ABCA13: variants seen among roughly 807,000 people sequenced by gnomAD.
The protein encoded by ABCA13 is ATP binding cassette subfamily A member 13.
ABCA13 carries 476 observed loss-of-function variants against 478.7 expected under a neutral mutation model. The observed-to-expected ratio is 0.99, with a 90% CI of 0.92 to 1.07. The LOEUF (loss-of-function observed/expected upper bound fraction) is 1.07. ABCA13 is among the 50% of genes least tolerant of loss of function. The probability of loss-of-function intolerance (pLI) is 0.00; values close to 1 mark genes in which losing one functional copy is unlikely to be tolerated. For missense variants in ABCA13, 6,060 were observed against 5,910.6 expected, an observed-to-expected ratio of 1.03 and a Z score of -0.83; for synonymous variants, 2,252 against 2,158.9, an observed-to-expected ratio of 1.04 and a Z score of -1.20.
intron 51 of ABCA13, among the ~76,000 whole-genome samples, chr7:48,513,830 G>C (rs1447799064): frequency 6.6e-6 from 1 of 152,146 alleles, no homozygotes; most frequent in Admixed American, 6.5e-5. Context: ...GTATTTTAAA[G>C]ATAACTAATG....
chr7:48,401,509 G>A (rs1371212699), intron 38 of ABCA13, among the ~76,000 whole-genome samples: 2 of 152,044 alleles, frequency 1.3e-5, no homozygotes, highest in Non-Finnish European at 2.9e-5. Flanking sequence ...TGTCCTAATT[G>A]GATATATACA....
chr7:48,453,750 G>A (rs1825325380), intron 42 of ABCA13, among the ~76,000 whole-genome samples: 1 of 152,142 alleles, frequency 6.6e-6, no homozygotes, highest in East Asian at 1.9e-4. Context: ...CTCACTCCTT[G>A]GTACCGACTC....
intron 42 of ABCA13, among the ~76,000 whole-genome samples, chr7:48,452,649 T>C (rs1357721130): frequency 1.3e-5 from 2 of 152,228 alleles, no homozygotes; most frequent in African/African-American, 4.8e-5. Flanking sequence ...TGGCTAAGAA[T>C]GGGTGGCTAG....
intron 43 of ABCA13, among the ~76,000 whole-genome samples, chr7:48,461,726 G>A (rs1041308874): frequency 6.6e-6 from 1 of 152,118 alleles, no homozygotes; most frequent in African/African-American, 2.4e-5. Flanking sequence ...TTAGTGGGTT[G>A]AAATTTAAGA....
intron 42 of ABCA13, among the ~76,000 whole-genome samples, chr7:48,449,045 G>T (rs935053086): frequency 6.6e-5 from 10 of 152,228 alleles, no homozygotes; most frequent in African/African-American, 1.9e-4. Context: ...ATTTCACCAT[G>T]TTGGCCAGGC....
chr7:48,515,655 G>A (rs965474835), intron 51 of ABCA13, among the ~76,000 whole-genome samples: 2 of 152,136 alleles, frequency 1.3e-5, no homozygotes, highest in Admixed American at 6.5e-5. Flanking sequence ...CTGCCTGTAA[G>A]ATGACAGTTA....
intron 55 of ABCA13, among the ~76,000 whole-genome samples, chr7:48,546,604 T>C (rs1179893994): frequency 6.6e-6 from 1 of 151,730 alleles, no homozygotes; most frequent in South Asian, 2.1e-4. Flanking sequence ...CAAACTAGCA[T>C]TTTTTGAGTT....
At chr7:48,488,548 C>T (rs1257067552) in intron 47 of ABCA13, among the ~76,000 whole-genome samples, 1 of 152,168 alleles carries the variant, frequency 6.6e-6, no homozygotes, top group Non-Finnish European at 1.5e-5. Context: ...ATGAGCTGTT[C>T]AGTCAATTGA....
At chr7:48,294,425 G>GTTTTTTTTTTTTGTT (rs1799041311) in intron 20 of ABCA13, among the ~76,000 whole-genome samples, 4 of 80,388 alleles carry the variant, frequency 5.0e-5, no homozygotes, top group African/African-American at 1.1e-4. Context: ...GTTTCTATGG[G>GTTTTTTTTTTTTGTT]TTTTTTTTTT....
At chr7:48,262,053 C>T (rs1334612541) in intron 15 of ABCA13, among the ~76,000 whole-genome samples, 2 of 151,894 alleles carry the variant, frequency 1.3e-5, no homozygotes, top group Non-Finnish European at 2.9e-5. Flanking sequence ...TACCTGCTAA[C>T]AACACACAGA....
rs1237897647 is a variant in ABCA13 at position 48,350,666 on chromosome 7, A to G, written c.10228A>G (p.Asn3410Asp). 10 of 1,613,582 alleles carry G rather than the reference A, an allele frequency of 6.2e-6. No homozygotes were observed. The highest frequency in any genetic ancestry group is 8.5e-6 in the Non-Finnish European group (10 of 1,179,734). ...TYGGLLDEMF[N>D]HAGAGRFRFL... ...AGGAGGGCTGCTGGATGAGATGTTTAACCATGCAGGCGCTGGACGCTTCCG... is the reference window on the plus strand; with the variant it reads ...AGGAGGGCTGCTGGATGAGATGTTTGACCATGCAGGCGCTGGACGCTTCCG... The change falls in exon 30 of 62, where the codon AAC becomes GAC. Residue 3410 changes from asparagine (N) to aspartate (D), a missense_variant. Physicochemically the swap from Asn to Asp is conservative, Grantham distance 23. Around this residue, in one of 3 missense-constraint regions of ABCA13, gnomAD observed 4,423 missense variants for 4,309.1 expected, o/e 1.03. Coordinates refer to ENST00000435803, the MANE Select transcript of ABCA13 (RefSeq NM_152701.5).
At chr7:48,471,496 A>C in intron 44 of ABCA13, 34 bp from the exon 45 acceptor site, 1 of 1,527,734 alleles carries the variant, frequency 6.5e-7, no homozygotes, top group Non-Finnish European at 8.9e-7. Flanking sequence ...TGTAAATCTA[A>C]AAGATCATTC....
chr7:48,249,295 C>T lies in ABCA13; in HGVS notation c.1949C>T (p.Thr650Ile). 1 of 1,613,372 alleles carries T rather than the reference C, an allele frequency of 6.2e-7. No individual in the cohort carries two copies. The change falls in exon 15 of 62, where the codon ACT becomes ATT. Residue 650 changes from threonine (T) to isoleucine (I), a missense_variant. Thr to Ile is a moderately conservative substitution (Grantham distance 89, BLOSUM62 -1). Coordinates refer to ENST00000435803, the MANE Select transcript of ABCA13 (RefSeq NM_152701.5). ...GCCTTCAAAAAGTTTATCAGGAAGA[C>T]TTGCGAAGTGGCCCAATATGTAAAT... ...WKAFKKFIRK[T>I]CEVAQYVNMQ... is the part of the protein sequence containing the mutation.
Position 48,219,365 on chromosome 7 carries a change from T to C in ABCA13, c.299T>C (p.Phe100Ser), listed in dbSNP as rs1243029403. The C allele has an allele frequency of 6.2e-7, 1 of 1,610,728 alleles. No individual in the cohort carries two copies. Among genetic ancestry groups the C allele is most frequent in the Admixed American group, 1.7e-5 (1 of 59,150 alleles). Reference sequence around the variant, plus strand: ...TATTCTGTTTAAAGTTTGTCTAGGTTCCAAACTGCAGCTGACCCCAAGAAA... The same window carrying C: ...TATTCTGTTTAAAGTTTGTCTAGGTCCCAAACTGCAGCTGACCCCAAGAAA... ...SMEHHFRLSR[F>S]QTAADPKKVN... The change falls in exon 4 of 62, where the codon TTC becomes TCC. Residue 100 changes from phenylalanine to serine, a missense_variant. Around this residue, in one of 3 missense-constraint regions of ABCA13, gnomAD observed 4,423 missense variants for 4,309.1 expected, o/e 1.03. Transcript: ENST00000435803.
At chr7:48,469,070 G>A (rs1213397802) in intron 44 of ABCA13, among the ~76,000 whole-genome samples, 2 of 152,156 alleles carry the variant, frequency 1.3e-5, no homozygotes, top group African/African-American at 4.8e-5. Context: ...AACACAAAAT[G>A]GTCACTTTCC....
intron 55 of ABCA13, among the ~76,000 whole-genome samples, chr7:48,537,321 C>T (rs569167099): frequency 1.3e-5 from 2 of 151,882 alleles, no homozygotes; most frequent in African/African-American, 4.8e-5. Flanking sequence ...CAGCTTTTAC[C>T]TTGATCCTAA....
Position 48,296,114 on chromosome 7 carries a change from C to T in ABCA13, c.9119+251C>T, listed in dbSNP as rs541912132. On this transcript the variant is annotated intron_variant, in intron 21 of 61. Coordinates refer to ENST00000435803, the MANE Select transcript of ABCA13 (RefSeq NM_152701.5). ...TTAGATATAAGAATGTAATCCACAA[C>T]GCTTGGTGGCAAATGCCTGTAATCC... 2.6e-4 allele frequency among the ~76,000 whole-genome samples: 39 copies of T among 152,280 alleles called. 1 individual carries two copies. The South Asian group carries it at 3.7e-3, about 15-fold the overall frequency.
At chr7:48,360,526 T>A (rs891993493) in intron 31 of ABCA13, among the ~76,000 whole-genome samples, 1 of 151,988 alleles carries the variant, frequency 6.6e-6, no homozygotes, top group African/African-American at 2.4e-5. Flanking sequence ...ATCCCTGACC[T>A]TTGTGTGTAT....
chr7:48,401,950 A>G (rs1197450226), intron 38 of ABCA13, among the ~76,000 whole-genome samples: 2 of 152,230 alleles, frequency 1.3e-5, no homozygotes, highest in East Asian at 1.9e-4. Flanking sequence ...GCTTCTTTGC[A>G]TAAATTTGAT....
Sources: allele counts gnomAD v4.1 joint callset (sites outside exome capture counted in the v4.1 genomes callset), GRCh38; gene constraint gnomAD v4.1.1; regional missense constraint gnomAD v4.1.1; transcripts MANE v1.5; gene names NCBI Gene and HGNC (gene_info 2026-07-23, HGNC 2026-07-21).